The following ATM variants were observed in gnomAD, a reference collection of about 807,000 sequenced individuals.
The protein encoded by ATM is serine-protein kinase ATM.
ATM carries 308 observed loss-of-function variants against 387.0 expected under a neutral mutation model. That is an observed-to-expected ratio of 0.80 (90% CI 0.73 to 0.87). The LOEUF (loss-of-function observed/expected upper bound fraction) is 0.87. ATM is among the 40% of genes least tolerant of loss of function. ATM has a pLI of 0.00. For missense variants in ATM, 3,312 were observed against 3,560.9 expected (o/e 0.93, Z 1.78); for synonymous variants, 1,156 against 1,187.3 (o/e 0.97, Z 0.54).
At chr11:108,365,283 A>G (rs758662688) in intron 62 of ATM, 42 bp from the exon 63 acceptor site, 40 of 1,614,044 alleles carry the variant, frequency 2.5e-5, no homozygotes, top group Non-Finnish European at 3.1e-5. Context: ...CAAGGCCTTT[A>G]AACTGTTCAC....
chr11:108,299,455 G>A (rs867033938), intron 33 of ATM: 13 of 362,214 alleles, frequency 3.6e-5, no homozygotes, highest in Admixed American at 3.4e-4. Flanking sequence ...GCGCCACCAC[G>A]CCTGGCTAAT....
intron 59 of ATM, among the ~76,000 whole-genome samples, chr11:108,351,623 T>C (rs931826566): frequency 6.6e-6 from 1 of 152,210 alleles, no homozygotes; most frequent in Non-Finnish European, 1.5e-5. Flanking sequence ...CACTCCCATG[T>C]GGCCTCTCTG....
At chr11:108,340,986 G>A (rs2087490546) in intron 56 of ATM, among the ~76,000 whole-genome samples, 1 of 152,098 alleles carries the variant, frequency 6.6e-6, no homozygotes, top group South Asian at 2.1e-4. Flanking sequence ...ATCTGCAGCT[G>A]CAGAGGGCCA....
At chr11:108,344,947 G>A (rs1200272395) in intron 57 of ATM, among the ~76,000 whole-genome samples, 2 of 151,916 alleles carry the variant, frequency 1.3e-5, no homozygotes, top group East Asian at 3.9e-4. Context: ...AAATTGCAGT[G>A]AGCTGTGATC....
intron 56 of ATM, among the ~76,000 whole-genome samples, chr11:108,337,560 T>A (rs538956417): frequency 2.4e-4 from 36 of 152,328 alleles, no homozygotes; most frequent in African/African-American, 7.7e-4. Context: ...TGTGCGTTTC[T>A]AGCAAGATAC....
Position 108,271,608 on chromosome 11 carries a change from C to T in ATM, c.3077+202C>T, listed in dbSNP as rs2301194. ...TTGTTTAAGGCTTGGCTTTCTAAAC[C>T]GTTTAACTCATTTCTCTGCAAATTT... On this transcript the variant is annotated intron_variant, in intron 20 of 62. Coordinates refer to ENST00000675843, the MANE Select transcript of ATM (RefSeq NM_000051.4). 1.4e-4 allele frequency among the ~76,000 whole-genome samples: 22 copies of T among 152,246 alleles called. No individual in the cohort carries two copies. In the East Asian group the frequency reaches 3.9e-3, roughly 27 times the overall value.
intron 1 of ATM, chr11:108,224,027 C>T (rs1221691076): frequency 6.6e-6 from 1 of 152,196 alleles, no homozygotes; most frequent in Non-Finnish European, 1.5e-5. Flanking sequence ...GAAGAGATAT[C>T]AGGAGACTTT....
rs1418529427 is a variant in ATM at position 108,362,730 on chromosome 11, A to T, written c.8851-2352A>T. ...AACCAAACACCGCATATTCTCACTC[A>T]TAGGTGGGAATTGAACAATGAGAAC... On this transcript the variant is annotated intron_variant, in intron 61 of 62. Transcript: ENST00000675843. 2.8e-5 allele frequency among the ~76,000 whole-genome samples: 4 copies of T among 140,916 alleles called. No homozygotes were observed. In the East Asian group the frequency reaches 9.1e-4, roughly 32 times the overall value. 92.4% of individuals were successfully genotyped at this position (140,916 alleles called of 152,430 possible). A position where few individuals can be genotyped will look rare whatever the true frequency, so the allele number is the denominator to read the frequency against.
chr11:108,229,377 AG>A lies in ATM; in HGVS notation c.331+55del, dbSNP rs750761029. 6 of 1,092,322 alleles carry A rather than the reference AG, an allele frequency of 5.5e-6. No individual in the cohort carries two copies. The South Asian group carries it at 8.8e-5, about 16-fold the overall frequency. 67.7% of individuals were successfully genotyped at this position (1,092,322 alleles called of 1,614,324 possible). A position where few individuals can be genotyped will look rare whatever the true frequency, so the allele number is the denominator to read the frequency against. On this transcript the variant is annotated intron_variant, in intron 4 of 62. Coordinates refer to ENST00000675843, the MANE Select transcript of ATM (RefSeq NM_000051.4). The stretch of plus-strand genomic sequence containing the variant: ...TGGCTTAACAGATTACTGTCGCGTG[AG>A]TTTTTTTTTTTTTTCAGATCATTTT...
chr11:108,303,102 A>G (rs958210418), intron 36 of ATM, 73 bp downstream of exon 36: 7 of 1,390,272 alleles, frequency 5.0e-6, no homozygotes, highest in Non-Finnish European at 7.1e-6. Flanking sequence ...GTGATACTGC[A>G]CATCATCTTC....
At chr11:108,313,069 C>G (rs1355940021) in intron 40 of ATM, among the ~76,000 whole-genome samples, 1 of 152,208 alleles carries the variant, frequency 6.6e-6, no homozygotes, top group Non-Finnish European at 1.5e-5. Flanking sequence ...GAGAGGAAAT[C>G]TCGCCACATC....
At chr11:108,236,679 AATAT>A (rs1286300293) in intron 5 of ATM, 2 of 152,268 alleles carry the variant, frequency 1.3e-5, no homozygotes, top group Non-Finnish European at 2.9e-5. Context: ...ATGGAAATCA[AATAT>A]ATTAGAATAG....
chr11:108,318,474 G>A (rs1288322389), intron 43 of ATM, among the ~76,000 whole-genome samples: 1 of 152,136 alleles, frequency 6.6e-6, no homozygotes, highest in Non-Finnish European at 1.5e-5. Context: ...TGGATCACTT[G>A]AGATCAGGAG....
At chr11:108,323,604 A>T (rs181468992) in intron 45 of ATM, among the ~76,000 whole-genome samples, 7 of 152,332 alleles carry the variant, frequency 4.6e-5, no homozygotes, top group Non-Finnish European at 8.8e-5. Context: ...GGATATCTCA[A>T]TTACCCAAAT....
intron 38 of ATM, among the ~76,000 whole-genome samples, chr11:108,309,808 T>C (rs750708283): frequency 2.4e-4 from 37 of 152,300 alleles, no homozygotes; most frequent in Non-Finnish European, 4.0e-4. Flanking sequence ...GGGGTGCTTG[T>C]GTGCATTTGT....
chr11:108,254,142 G>A (rs975722347), intron 13 of ATM, 103 bp downstream of exon 13: 20 of 1,138,638 alleles, frequency 1.8e-5, no homozygotes, highest in African/African-American at 4.7e-5. Context: ...GATGGTGGGA[G>A]GCTTCATTTT....
Position 108,271,387 on chromosome 11 carries a change from A to G in ATM, c.3058A>G (p.Thr1020Ala), listed in dbSNP as rs1315108082. 6.2e-7 allele frequency: 1 copy of G among 1,614,108 alleles called. No homozygotes were observed. The highest frequency in any genetic ancestry group is 8.5e-7 in the Non-Finnish European group (1 of 1,180,004). Residue 1020 changes from threonine (T) to alanine (A), a missense_variant, in exon 20 of 63, where the codon ACA becomes GCA. Physicochemically the swap from Thr to Ala is moderately conservative, Grantham distance 58. Coordinates refer to ENST00000675843, the MANE Select transcript of ATM (RefSeq NM_000051.4). ...NTRDAQGQFL[T>A]VIGAFWHLTK... is the part of the protein sequence containing the mutation. Reference sequence around the variant, plus strand: ...AAGGGATGCTCAAGGACAGTTTCTTACAGTAATTGGAGCATTTTGGTAGGT... The same window carrying G: ...AAGGGATGCTCAAGGACAGTTTCTTGCAGTAATTGGAGCATTTTGGTAGGT...
At chr11:108,347,669 C>T (rs1467756749) in intron 59 of ATM, among the ~76,000 whole-genome samples, 1 of 151,990 alleles carries the variant, frequency 6.6e-6, no homozygotes, top group African/African-American at 2.4e-5. Context: ...TCCACCAAAA[C>T]AAGGAGTAAT....
At chr11:108,243,714 C>T (rs1317377684) in intron 5 of ATM, among the ~76,000 whole-genome samples, 4 of 152,274 alleles carry the variant, frequency 2.6e-5, no homozygotes, top group East Asian at 3.9e-4. Flanking sequence ...AATGTTTCTG[C>T]GACCTGGCTC....
Sources: allele counts gnomAD v4.1 joint callset (sites outside exome capture counted in the v4.1 genomes callset), GRCh38; gene constraint gnomAD v4.1.1; transcripts MANE v1.5; gene names NCBI Gene and HGNC (gene_info 2026-07-23, HGNC 2026-07-21).